Variants in MMAA observed in about 807,000 individuals in gnomAD.
The protein encoded by MMAA is methylmalonic aciduria type A protein, mitochondrial.
In MMAA, 41 loss-of-function variants were observed where a neutral mutation model predicts 45.0. The ratio of observed to expected loss-of-function variants is 0.91; its 90% CI spans 0.71 to 1.18. The LOEUF is 1.18. MMAA is among the 50% of genes most tolerant of loss of function. The pLI, the probability that MMAA is intolerant of heterozygous loss-of-function variation, is 0.00. For missense variants in MMAA, 460 were observed against 495.7 expected (o/e 0.93, Z 0.68); for synonymous variants, 154 against 178.2 (o/e 0.86, Z 1.08).
intron 4 of MMAA, chr4:145,646,416 G>A: frequency 2.3e-6 from 1 of 432,292 alleles, no homozygotes; most frequent in Admixed American, 3.7e-5. Context: ...GAGGAGAACT[G>A]TAAACATTAG....
chr4:145,625,479 T>C (rs968456751), intron 1 of MMAA: 9 of 717,760 alleles, frequency 1.3e-5, no homozygotes, highest in East Asian at 5.6e-5. Flanking sequence ...TGCTCTGGCA[T>C]AGGGATATAG....
chr4:145,653,906 A>T, intron 5 of MMAA, 88 bp from the exon 6 acceptor site: 1 of 1,389,336 alleles, frequency 7.2e-7, no homozygotes, highest in Non-Finnish European at 1.0e-6. Flanking sequence ...ATGAAAAGTT[A>T]ATGAAATGTA....
At chr4:145,646,998 A>G (rs1013156248) in intron 4 of MMAA, among the ~76,000 whole-genome samples, 1 of 152,190 alleles carries the variant, frequency 6.6e-6, no homozygotes, top group South Asian at 2.1e-4. Context: ...GATAAGCAGG[A>G]GAGTGAGAAA....
intron 5 of MMAA, 117 bp downstream of exon 5, chr4:145,651,264 T>C: frequency 1.1e-6 from 1 of 891,732 alleles, no homozygotes; most frequent in African/African-American, 1.7e-5. Context: ...TGAAATATCA[T>C]TCATGTTGGC....
In MMAA at chr4:145,656,687, A is replaced by G. The variant is rs1728242557; in HGVS notation, c.*1253A>G. 6.6e-6 allele frequency: 1 copy of G among 152,206 alleles called. No individual in the cohort carries two copies. The highest frequency in any genetic ancestry group is 6.5e-5 in the Admixed American group (1 of 15,284). The allele number at this position is 152,206 out of a possible 1,614,324, so 9.4% of individuals were successfully genotyped here. A position where few individuals can be genotyped will look rare whatever the true frequency, so the allele number is the denominator to read the frequency against. On this transcript the variant is annotated 3_prime_UTR_variant, in exon 7 of 7. Transcript: ENST00000649156. ...TTTGATGGTAGTTGTAACTGTGTACATTTGAATAAAATTTCTAACCATAAA... is the reference window on the plus strand; with the variant it reads ...TTTGATGGTAGTTGTAACTGTGTACGTTTGAATAAAATTTCTAACCATAAA...
intron 1 of MMAA, among the ~76,000 whole-genome samples, chr4:145,636,739 C>T (rs945136003): frequency 6.6e-6 from 1 of 152,210 alleles, no homozygotes; most frequent in African/African-American, 2.4e-5. Context: ...GAGTGAGCTC[C>T]TGTAATCTTG....
intron 4 of MMAA, 39 bp from the exon 5 acceptor site, chr4:145,651,017 ATAATGG>A (rs773823789): frequency 1.3e-6 from 2 of 1,545,730 alleles, no homozygotes; most frequent in Non-Finnish European, 1.8e-6. Flanking sequence ...AGAAAGTCAA[ATAATGG>A]TGAGTATTTT....
intron 1 of MMAA, among the ~76,000 whole-genome samples, chr4:145,627,568 G>A (rs137868962): frequency 1.3e-4 from 20 of 152,300 alleles, no homozygotes; most frequent in Middle Eastern, 6.8e-3. Context: ...ATGAGAATTG[G>A]TAAGGAGCGG....
rs1194525055 is a variant in MMAA at position 145,651,155 on chromosome 4, T to C, written c.819+8T>C. On this transcript the variant is annotated splice_region_variant and intron_variant, in intron 5 of 6. Coordinates refer to ENST00000649156, the MANE Select transcript of MMAA (RefSeq NM_172250.3). ...GGAGGAGATGAGCTGCAGGTAATTATTTTTATTTTTTCCCCCAAAAATATA... is the reference window on the plus strand; with the variant it reads ...GGAGGAGATGAGCTGCAGGTAATTACTTTTATTTTTTCCCCCAAAAATATA... 8 of 1,610,628 alleles carry C rather than the reference T, an allele frequency of 5.0e-6. No individual in the cohort carries two copies. The highest frequency in any genetic ancestry group is 6.8e-6 in the Non-Finnish European group (8 of 1,177,112).
Position 145,644,537 on chromosome 4 carries a change from G to A in MMAA, c.563-1449G>A, listed in dbSNP as rs1217851795. 4.6e-5 allele frequency among the ~76,000 whole-genome samples: 7 copies of A among 152,332 alleles called. No homozygotes were observed. In the East Asian group the frequency reaches 1.3e-3, roughly 29 times the overall value. ...TTAGAACAGCAGTACACCTACAAAT[G>A]TTGGTATATGACTAAAGCAAAGTAG... is the stretch of plus-strand genomic sequence containing the variant. On this transcript the variant is annotated intron_variant, in intron 3 of 6. Transcript: ENST00000649156.
chr4:145,652,867 A>AT (rs1261625598), intron 5 of MMAA, among the ~76,000 whole-genome samples: 5 of 150,558 alleles, frequency 3.3e-5, no homozygotes, highest in Non-Finnish European at 7.4e-5. Context: ...AACCAGACAA[A>AT]TTTTTTCCTT....
At chr4:145,625,615 CAA>C in intron 1 of MMAA, 1 of 848,750 alleles carries the variant, frequency 1.2e-6, no homozygotes, top group Non-Finnish European at 2.1e-6. Flanking sequence ...GTGTCAGCTT[CAA>C]AGAGTAGGAC....
intron 2 of MMAA, among the ~76,000 whole-genome samples, chr4:145,641,369 G>A (rs1727776817): frequency 6.6e-6 from 1 of 152,084 alleles, no homozygotes; most frequent in African/African-American, 2.4e-5. Context: ...TGTCTTTATT[G>A]CAGTTATTTT....
intron 1 of MMAA, chr4:145,624,072 G>C (rs1336289768): frequency 1.4e-5 from 12 of 842,164 alleles, no homozygotes; most frequent in Non-Finnish European, 2.3e-5. Context: ...GTCAGACCCA[G>C]AAACACAATG....
At chr4:145,625,502 G>T (rs376902427) in intron 1 of MMAA, 1 of 732,084 alleles carries the variant, frequency 1.4e-6, no homozygotes. Flanking sequence ...TCTTCTCCAG[G>T]AAGGGCCCAA....
chr4:145,636,074 A>C (rs1727598990), intron 1 of MMAA, among the ~76,000 whole-genome samples: 1 of 152,258 alleles, frequency 6.6e-6, no homozygotes, highest in Non-Finnish European at 1.5e-5. Flanking sequence ...TAACTGGAGA[A>C]TAAAATGAAA....
intron 1 of MMAA, among the ~76,000 whole-genome samples, chr4:145,621,952 T>C (rs1014293533): frequency 6.6e-6 from 1 of 152,186 alleles, no homozygotes; most frequent in African/African-American, 2.4e-5. Flanking sequence ...AAATGTACAT[T>C]TTAGAAACAT....
intron 5 of MMAA, among the ~76,000 whole-genome samples, chr4:145,652,325 C>CT (rs1332659720): frequency 2.0e-5 from 3 of 152,130 alleles, no homozygotes. Flanking sequence ...CCCCTGTCCC[C>CT]TCCCTGGAAG....
chr4:145,642,789 C>A, intron 3 of MMAA: 1 of 369,504 alleles, frequency 2.7e-6, no homozygotes. Flanking sequence ...AGGCCAGGCC[C>A]CTCTTTGCTC....
Sources: allele counts gnomAD v4.1 joint callset (sites outside exome capture counted in the v4.1 genomes callset), GRCh38; gene constraint gnomAD v4.1.1; transcripts MANE v1.5; gene names NCBI Gene and HGNC (gene_info 2026-07-23, HGNC 2026-07-21).